The following PCNX2 variants were observed in gnomAD, a reference collection of about 807,000 sequenced individuals.
PCNX2 encodes the protein pecanex-like protein 2.
A neutral mutation model predicts 223.8 loss-of-function variants in PCNX2; 168 were observed. The observed-to-expected ratio is 0.75, with a 90% CI of 0.66 to 0.85. PCNX2 has a LOEUF of 0.85. Among genes scored for constraint, PCNX2 ranks in the 40% least tolerant of loss-of-function variants. The probability of loss-of-function intolerance (pLI) is 0.00; values close to 1 mark genes in which losing one functional copy is unlikely to be tolerated. For missense variants in PCNX2, 2,507 were observed against 2,675.5 expected (o/e 0.94, Z 1.39); for synonymous variants, 1,006 against 1,052.6 (o/e 0.96, Z 0.86).
intron 26 of PCNX2, among the ~76,000 whole-genome samples, chr1:233,017,400 C>T (rs1034583396): frequency 1.8e-4 from 26 of 145,380 alleles, no homozygotes; most frequent in Non-Finnish European, 3.0e-4. Context: ...TCACTGCAAG[C>T]TCCGCCTCCC....
chr1:233,200,731 C>CACAGG (rs1430136393), intron 13 of PCNX2, among the ~76,000 whole-genome samples: 1 of 151,620 alleles, frequency 6.6e-6, no homozygotes, highest in Non-Finnish European at 1.5e-5. Flanking sequence ...ATAAAAAAAA[C>CACAGG]ACAGGACAGG....
At chr1:233,132,210 T>G (rs769103674) in intron 21 of PCNX2, among the ~76,000 whole-genome samples, 3 of 152,060 alleles carry the variant, frequency 2.0e-5, no homozygotes, top group Non-Finnish European at 2.9e-5. Flanking sequence ...TAATCTACCC[T>G]CCTCGGCATC....
At chr1:233,110,389 T>C (rs932126561) in intron 21 of PCNX2, among the ~76,000 whole-genome samples, 6 of 152,214 alleles carry the variant, frequency 3.9e-5, no homozygotes, top group Non-Finnish European at 7.3e-5. Context: ...CTGGGAGAAC[T>C]GCCATCTTGT....
chr1:233,223,583 G>A (rs915475649), intron 10 of PCNX2, among the ~76,000 whole-genome samples: 1 of 152,118 alleles, frequency 6.6e-6, no homozygotes, highest in African/African-American at 2.4e-5. Flanking sequence ...GCGTGCATTA[G>A]CTATTTGTCC....
At chr1:233,086,299 A>G (rs933370240) in intron 23 of PCNX2, among the ~76,000 whole-genome samples, 1 of 152,212 alleles carries the variant, frequency 6.6e-6, no homozygotes, top group African/African-American at 2.4e-5. Flanking sequence ...GTGCTTTCCA[A>G]TATGGTAGCC....
chr1:233,234,392 T>C (rs1447092914), intron 9 of PCNX2, among the ~76,000 whole-genome samples: 5 of 152,168 alleles, frequency 3.3e-5, no homozygotes, highest in Non-Finnish European at 4.4e-5. Flanking sequence ...TACCCATATA[T>C]ATTAGAATAT....
intron 21 of PCNX2, among the ~76,000 whole-genome samples, chr1:233,133,179 G>A (rs563745582): frequency 2.0e-5 from 3 of 152,184 alleles, no homozygotes; most frequent in South Asian, 4.1e-4. Context: ...GATTACAGGC[G>A]TGAGCCACTG....
the PCNX2 span, among the ~76,000 whole-genome samples, chr1:233,325,304 C>T: frequency 1.2e-4 from 18 of 152,106 alleles, no homozygotes; most frequent in South Asian, 8.3e-4. Flanking sequence ...GAGAAGTTCA[C>T]GACTTCAGAG....
At chr1:233,190,164 C>T (rs369869926) in intron 15 of PCNX2, among the ~76,000 whole-genome samples, 5 of 151,950 alleles carry the variant, frequency 3.3e-5, no homozygotes, top group African/African-American at 4.8e-5. Flanking sequence ...CATGCTGAAA[C>T]GGTTCACAAG....
At chr1:233,079,964 T>C (rs1438171386) in intron 23 of PCNX2, among the ~76,000 whole-genome samples, 1 of 152,152 alleles carries the variant, frequency 6.6e-6, no homozygotes, top group African/African-American at 2.4e-5. Flanking sequence ...CTTCACACCT[T>C]TTCTTTCTCT....
intron 18 of PCNX2, 107 bp from the exon 19 acceptor site, chr1:233,160,540 G>A (rs915198076): frequency 3.1e-5 from 38 of 1,242,190 alleles, no homozygotes; most frequent in Middle Eastern, 4.5e-4. Context: ...TCCTCTTAAC[G>A]GATAGCCAGA....
intron 23 of PCNX2, among the ~76,000 whole-genome samples, chr1:233,071,580 C>T (rs1284308632): frequency 1.3e-5 from 2 of 152,176 alleles, no homozygotes; most frequent in Non-Finnish European, 2.9e-5. Context: ...CATGTCTTTG[C>T]TACTGTGAAT....
chr1:233,205,991 A>T (rs1263562238), intron 13 of PCNX2, among the ~76,000 whole-genome samples: 1 of 152,188 alleles, frequency 6.6e-6, no homozygotes, highest in East Asian at 1.9e-4. Context: ...ATGAGGTGTT[A>T]TGAGCCAGCA....
chr1:233,007,913 A>C (rs1181985247), intron 28 of PCNX2, among the ~76,000 whole-genome samples: 1 of 152,100 alleles, frequency 6.6e-6, no homozygotes, highest in South Asian at 2.1e-4. Flanking sequence ...TCCTGACCTC[A>C]AGAGATCCAC....
chr1:233,290,028 CG>C, intron 1 of PCNX2, among the ~76,000 whole-genome samples: 1 of 149,122 alleles, frequency 6.7e-6, no homozygotes, highest in East Asian at 2.0e-4. Flanking sequence ...GCCTGGGGGG[CG>C]GGGGGAAAGA....
intron 9 of PCNX2, among the ~76,000 whole-genome samples, chr1:233,227,840 A>G (rs138725141): frequency 0.018 from 2,755 of 152,340 alleles, 83 homozygotes; most frequent in African/African-American, 0.062. Flanking sequence ...GAAGCCTGCT[A>G]TAAGAAAAAC....
At chr1:233,161,630 GA>G (rs1205591820) in intron 17 of PCNX2, among the ~76,000 whole-genome samples, 3 of 152,130 alleles carry the variant, frequency 2.0e-5, no homozygotes, top group African/African-American at 7.2e-5. Context: ...GCTAACCATA[GA>G]AAGAAGAAAG....
intron 28 of PCNX2, among the ~76,000 whole-genome samples, chr1:233,008,545 G>T (rs1461125581): frequency 6.6e-6 from 1 of 152,194 alleles, no homozygotes; most frequent in Non-Finnish European, 1.5e-5. Context: ...TTCCATGGGG[G>T]ACCCAGTGCA....
At chr1:233,187,194 C>G (rs1014602619) in intron 15 of PCNX2, among the ~76,000 whole-genome samples, 24 of 151,582 alleles carry the variant, frequency 1.6e-4, no homozygotes, top group African/African-American at 5.3e-4. Context: ...TAAAACACAT[C>G]GAAGGTAAAA....
Sources: allele counts gnomAD v4.1 joint callset (sites outside exome capture counted in the v4.1 genomes callset), GRCh38; gene constraint gnomAD v4.1.1; transcripts MANE v1.5; gene names NCBI Gene and HGNC (gene_info 2026-07-23, HGNC 2026-07-21).